Variants in HS3ST4 observed in about 807,000 individuals in gnomAD.
HS3ST4 encodes heparan sulfate-glucosamine 3-sulfotransferase 4.
Under a neutral mutation model 29.2 loss-of-function variants are expected in HS3ST4, and 17 were observed. The observed-to-expected ratio is 0.58, with a 90% CI of 0.40 to 0.87. The LOEUF (loss-of-function observed/expected upper bound fraction) is 0.87. Among genes scored for constraint, HS3ST4 ranks in the 40% least tolerant of loss-of-function variants. The probability of loss-of-function intolerance (pLI) is 0.00; values close to 1 mark genes in which losing one functional copy is unlikely to be tolerated. For synonymous variants in HS3ST4, 314 were observed against 285.7 expected (o/e 1.10, Z -1.00); for missense variants, 627 against 634.5 (o/e 0.99, Z 0.13).
intron 1 of HS3ST4, among the ~76,000 whole-genome samples, chr16:25,737,844 T>G (rs1169342142): frequency 6.6e-6 from 1 of 152,008 alleles, no homozygotes; most frequent in Non-Finnish European, 1.5e-5. Context: ...GCAGCAAAAC[T>G]TCATGTAATT....
At chr16:25,802,362 C>T (rs1966947738) in intron 1 of HS3ST4, among the ~76,000 whole-genome samples, 1 of 151,992 alleles carries the variant, frequency 6.6e-6, no homozygotes, top group African/African-American at 2.4e-5. Flanking sequence ...TCTGAAATAT[C>T]CATTTCTGGG....
At chr16:25,730,411 CCCTCTCTT>C (rs913873077) in intron 1 of HS3ST4, among the ~76,000 whole-genome samples, 4 of 142,792 alleles carry the variant, frequency 2.8e-5, no homozygotes, top group South Asian at 5.0e-4. Flanking sequence ...CTCCCTCTCT[CCCTCTCTT>C]CCTTATCTCC....
chr16:26,132,384 C>T (rs1442060695), intron 1 of HS3ST4, among the ~76,000 whole-genome samples: 1 of 152,156 alleles, frequency 6.6e-6, no homozygotes, highest in Non-Finnish European at 1.5e-5. Flanking sequence ...AATGCAAAAA[C>T]TCTCCTAAAG....
chr16:26,078,630 C>T (rs1378597494), intron 1 of HS3ST4, among the ~76,000 whole-genome samples: 1 of 152,196 alleles, frequency 6.6e-6, no homozygotes, highest in Non-Finnish European at 1.5e-5. Context: ...CAGCATTAAA[C>T]ACGGTATATC....
chr16:25,853,174 TC>T (rs1352138754), intron 1 of HS3ST4, among the ~76,000 whole-genome samples: 2 of 152,172 alleles, frequency 1.3e-5, no homozygotes, highest in African/African-American at 4.8e-5. Context: ...TTTCTTAATT[TC>T]TTTTTAAGAG....
intron 1 of HS3ST4, among the ~76,000 whole-genome samples, chr16:26,118,493 C>T: frequency 6.6e-6 from 1 of 152,196 alleles, no homozygotes; most frequent in Admixed American, 6.5e-5. Context: ...TAGCCTATAT[C>T]TGCACCTCCA....
intron 1 of HS3ST4, among the ~76,000 whole-genome samples, chr16:25,989,358 A>G (rs1488966791): frequency 6.6e-6 from 1 of 152,246 alleles, no homozygotes; most frequent in East Asian, 1.9e-4. Context: ...ACAGTGATTT[A>G]TGAAGTGAAT....
In HS3ST4 at chr16:25,692,364, G is replaced by C; in HGVS notation, c.-54G>C. On this transcript the variant is annotated 5_prime_UTR_variant, in exon 1 of 2. Coordinates refer to ENST00000331351, the MANE Select transcript of HS3ST4 (RefSeq NM_006040.3). ...GGGGCGGCGGCTGAAACCATGTCCG[G>C]GCAGCGCCGGGGGCTGCCGCCGCCG... The C allele has an allele frequency of 3.8e-6, 1 of 262,186 alleles. No individual in the cohort carries two copies. Among genetic ancestry groups the C allele is most frequent in the Non-Finnish European group, 5.8e-6 (1 of 171,668 alleles). The allele number at this position is 262,186 out of a possible 1,614,324, so 16.2% of individuals were successfully genotyped here.
At chr16:26,057,342 A>G (rs1898421781) in intron 1 of HS3ST4, among the ~76,000 whole-genome samples, 1 of 152,194 alleles carries the variant, frequency 6.6e-6, no homozygotes, top group African/African-American at 2.4e-5. Flanking sequence ...TTTCACAGGT[A>G]CTTGCTTCTC....
chr16:26,111,111 A>G (rs947078724), intron 1 of HS3ST4, among the ~76,000 whole-genome samples: 6 of 151,878 alleles, frequency 4.0e-5, no homozygotes, highest in Non-Finnish European at 1.5e-5. Context: ...CCCCCAGGCT[A>G]GAATGCTGTT....
At chr16:26,101,190 C>T (rs950271326) in intron 1 of HS3ST4, among the ~76,000 whole-genome samples, 2 of 150,578 alleles carry the variant, frequency 1.3e-5, no homozygotes, top group Non-Finnish European at 3.0e-5. Flanking sequence ...GCTCTCAACC[C>T]TACTCCTTTG....
intron 1 of HS3ST4, among the ~76,000 whole-genome samples, chr16:26,014,147 ATATGAAATAG>A (rs1969341001): frequency 6.6e-6 from 1 of 152,132 alleles, no homozygotes; most frequent in Non-Finnish European, 1.5e-5. Context: ...ATCTGAAATA[ATATGAAATAG>A]TGGCATGATT....
chr16:25,698,660 C>T (rs774727479), intron 1 of HS3ST4, among the ~76,000 whole-genome samples: 24 of 152,122 alleles, frequency 1.6e-4, no homozygotes, highest in African/African-American at 4.3e-4. Flanking sequence ...TCTCAGCTAC[C>T]GAGTCTGTCC....
At chr16:26,110,835 C>T (rs1440441175) in intron 1 of HS3ST4, among the ~76,000 whole-genome samples, 1 of 152,100 alleles carries the variant, frequency 6.6e-6, no homozygotes, top group Non-Finnish European at 1.5e-5. Context: ...CTCTCTCACG[C>T]TCTCCAGCTA....
chr16:25,989,529 G>A (rs1030193500), intron 1 of HS3ST4, among the ~76,000 whole-genome samples: 9 of 152,180 alleles, frequency 5.9e-5, no homozygotes, highest in Admixed American at 3.9e-4. Context: ...ATATAAATTA[G>A]TTGGTGGCTT....
Position 26,070,369 on chromosome 16 carries a change from C to G in HS3ST4, c.735-65243C>G, listed in dbSNP as rs537771846. On this transcript the variant is annotated intron_variant, in intron 1 of 1. Transcript: ENST00000331351. ...ATAAATGTCTTCTTTTGAGAAGTGT[C>G]TGTTCATATCCTTCATAGTGGCCAG... Among the ~76,000 whole-genome samples the G allele has an allele frequency of 8.1e-4, 124 of 152,246 alleles. 1 individual carries two copies. Among genetic ancestry groups the G allele is most frequent in the Non-Finnish European group, 1.5e-3 (101 of 68,022 alleles).
intron 1 of HS3ST4, among the ~76,000 whole-genome samples, chr16:25,863,842 G>A (rs972501496): frequency 6.6e-6 from 1 of 152,192 alleles, no homozygotes; most frequent in South Asian, 2.1e-4. Flanking sequence ...TGCTTAGTCC[G>A]CCAGGGATGC....
At chr16:25,794,399 A>G (rs1320593092) in intron 1 of HS3ST4, among the ~76,000 whole-genome samples, 2 of 150,890 alleles carry the variant, frequency 1.3e-5, no homozygotes, top group African/African-American at 4.9e-5. Context: ...TCTCTACAGT[A>G]TTTCCTTAGC....
At chr16:25,968,500 C>A (rs994417496) in intron 1 of HS3ST4, among the ~76,000 whole-genome samples, 2 of 152,144 alleles carry the variant, frequency 1.3e-5, no homozygotes, top group East Asian at 3.9e-4. Flanking sequence ...CACTGAGTGA[C>A]AGGTGCCAAT....
Sources: allele counts gnomAD v4.1 joint callset (sites outside exome capture counted in the v4.1 genomes callset), GRCh38; gene constraint gnomAD v4.1.1; transcripts MANE v1.5; gene names NCBI Gene and HGNC (gene_info 2026-07-23, HGNC 2026-07-21).